STARD13: variants seen among roughly 807,000 people sequenced by gnomAD.
STARD13 encodes StAR related lipid transfer domain containing 13, also known as stAR-related lipid transfer protein 13.
A neutral mutation model predicts 106.4 loss-of-function variants in STARD13; 62 were observed. The ratio of observed to expected loss-of-function variants is 0.58; its 90% CI spans 0.48 to 0.72. The LOEUF is 0.72. Among genes scored for constraint, STARD13 ranks in the 30% least tolerant of loss-of-function variants. STARD13 has a pLI of 0.00. For missense variants in STARD13, 1,387 were observed against 1,424.0 expected, an observed-to-expected ratio of 0.97 and a Z score of 0.42; for synonymous variants, 565 against 553.0, an observed-to-expected ratio of 1.02 and a Z score of -0.31.
At chr13:33,289,241 A>G (rs1244347830), upstream of STARD13, among the ~76,000 whole-genome samples, 2 of 152,168 alleles carry the variant, frequency 1.3e-5, no homozygotes, top group African/African-American at 4.8e-5. Flanking sequence ...TTCCCTCCTA[A>G]TCTGCTCATC....
At chr13:33,307,519 T>C (rs908120577) in intron 1 of STARD13, among the ~76,000 whole-genome samples, 5 of 152,130 alleles carry the variant, frequency 3.3e-5, no homozygotes, top group Non-Finnish European at 7.3e-5. Flanking sequence ...GGGACATAGA[T>C]GGAGCTGGAA....
chr13:33,103,338 T>C lies in STARD13; in HGVS notation c.*2255A>G, dbSNP rs994449863. ...TACTGTGGTATTTGACAAACAAGCT[T>C]GATGCATCGTTTTTTCTCCTTTTTT... On this transcript the variant is annotated 3_prime_UTR_variant, in exon 14 of 14. Transcript: ENST00000336934. 2 of 152,652 alleles carry C rather than the reference T, an allele frequency of 1.3e-5. No individual in the cohort carries two copies. The highest frequency in any genetic ancestry group is 2.9e-5 in the Non-Finnish European group (2 of 68,042). The allele number at this position is 152,652 out of a possible 1,614,324, so 9.5% of individuals were successfully genotyped here.
chr13:33,273,817 G>C (rs891478393), intron 1 of STARD13: 1 of 152,092 alleles, frequency 6.6e-6, no homozygotes, highest in Non-Finnish European at 1.5e-5. Context: ...AAACTGGAAA[G>C]GTTTACAAAA....
the STARD13 span, among the ~76,000 whole-genome samples, chr13:33,390,911 C>T: frequency 6.6e-6 from 1 of 152,118 alleles, no homozygotes; most frequent in Non-Finnish European, 1.5e-5. Flanking sequence ...GGTGCAGTTT[C>T]ATGGACTGGT....
the STARD13 span, among the ~76,000 whole-genome samples, chr13:33,391,318 T>C: frequency 1.3e-5 from 2 of 152,178 alleles, no homozygotes; most frequent in Non-Finnish European, 2.9e-5. Context: ...TCTTTTAACA[T>C]TCACTGCATT....
At chr13:33,616,638 T>A in the STARD13 span, among the ~76,000 whole-genome samples, 2 of 152,228 alleles carry the variant, frequency 1.3e-5, no homozygotes, top group Non-Finnish European at 2.9e-5. Context: ...GTTCATTCTC[T>A]TTACGTATTT....
chr13:33,591,789 C>T, the STARD13 span, among the ~76,000 whole-genome samples: 12 of 151,838 alleles, frequency 7.9e-5, no homozygotes. Context: ...TAATTTCTTG[C>T]CCTGAGAAAT....
At chr13:33,666,001 A>G in the STARD13 span, among the ~76,000 whole-genome samples, 4 of 151,988 alleles carry the variant, frequency 2.6e-5, no homozygotes, top group South Asian at 2.1e-4. Flanking sequence ...GCACAAAAAG[A>G]CCTCTGACTT....
the STARD13 span, among the ~76,000 whole-genome samples, chr13:33,392,958 T>G: frequency 6.6e-6 from 1 of 152,256 alleles, no homozygotes; most frequent in Non-Finnish European, 1.5e-5. Flanking sequence ...TCCAAAGCCC[T>G]TTGTCTCTTA....
chr13:33,464,521 G>A, the STARD13 span, among the ~76,000 whole-genome samples: 1 of 152,032 alleles, frequency 6.6e-6, no homozygotes, highest in African/African-American at 2.4e-5. Context: ...TGCTACTATT[G>A]CATAATAATA....
At chr13:33,501,251 AT>A in the STARD13 span, among the ~76,000 whole-genome samples, 2 of 151,584 alleles carry the variant, frequency 1.3e-5, no homozygotes, top group African/African-American at 4.8e-5. Flanking sequence ...TAGCTTTTGT[AT>A]TTTTCTATAA....
At chr13:33,203,234 C>T (rs1887178456) in intron 1 of STARD13, among the ~76,000 whole-genome samples, 1 of 152,160 alleles carries the variant, frequency 6.6e-6, no homozygotes, top group Admixed American at 6.5e-5. Context: ...ATTCTCTGTA[C>T]TGGCAGGTCT....
At chr13:33,578,251 T>A in the STARD13 span, among the ~76,000 whole-genome samples, 1 of 152,088 alleles carries the variant, frequency 6.6e-6, no homozygotes, top group Non-Finnish European at 1.5e-5. Flanking sequence ...CTTCAAATTA[T>A]ACTACAAGGC....
the STARD13 span, among the ~76,000 whole-genome samples, chr13:33,461,502 A>C: frequency 6.6e-6 from 1 of 152,098 alleles, no homozygotes; most frequent in African/African-American, 2.4e-5. Context: ...CTCAGTGGGG[A>C]CTCAGGTTTG....
At chr13:33,544,423 A>G in the STARD13 span, among the ~76,000 whole-genome samples, 1 of 152,278 alleles carries the variant, frequency 6.6e-6, no homozygotes, top group African/African-American at 2.4e-5. Context: ...CGCAGTGATT[A>G]AAGTGTGCTG....
chr13:33,228,753 C>G (rs1323398796), intron 1 of STARD13, among the ~76,000 whole-genome samples: 1 of 152,138 alleles, frequency 6.6e-6, no homozygotes, highest in Non-Finnish European at 1.5e-5. Context: ...CACTAGAGGC[C>G]TGTGAAGAGC....
intron 1 of STARD13, among the ~76,000 whole-genome samples, chr13:33,175,890 T>C (rs529305867): frequency 2.3e-4 from 35 of 152,206 alleles, no homozygotes; most frequent in Non-Finnish European, 4.1e-4. Flanking sequence ...TTATCTGCTG[T>C]TTGATTTGCT....
At chr13:33,542,406 C>T in the STARD13 span, among the ~76,000 whole-genome samples, 1 of 152,256 alleles carries the variant, frequency 6.6e-6, no homozygotes, top group African/African-American at 2.4e-5. Flanking sequence ...GACTCACAGC[C>T]AGAAACCCAA....
the STARD13 span, among the ~76,000 whole-genome samples, chr13:33,375,824 C>CCTTTTATG: frequency 2.0e-5 from 3 of 152,058 alleles, no homozygotes; most frequent in African/African-American, 7.2e-5. Context: ...AGGGAGGGGA[C>CCTTTTATG]ACAGCCAACC....
Sources: allele counts gnomAD v4.1 joint callset (sites outside exome capture counted in the v4.1 genomes callset), GRCh38; gene constraint gnomAD v4.1.1; transcripts MANE v1.5; gene names NCBI Gene and HGNC (gene_info 2026-07-23, HGNC 2026-07-21).